Variants in GPD2 observed in about 807,000 individuals in gnomAD.
GPD2 encodes glycerol-3-phosphate dehydrogenase 2.
GPD2 carries 54 observed loss-of-function variants against 82.4 expected under a neutral mutation model. The observed-to-expected ratio is 0.66, with a 90% CI of 0.53 to 0.82. The LOEUF (loss-of-function observed/expected upper bound fraction) is 0.82, where lower values mean the gene tolerates loss of function less well. Ranked by LOEUF, GPD2 falls within the 40% of genes least tolerant of loss-of-function variation. GPD2 has a pLI of 0.00. For missense variants in GPD2, 748 were observed against 896.2 expected, an observed-to-expected ratio of 0.83 and a Z score of 2.11; for synonymous variants, 288 against 306.1, an observed-to-expected ratio of 0.94 and a Z score of 0.62.
chr2:156,506,291 G>C (rs1684784051), intron 3 of GPD2, among the ~76,000 whole-genome samples: 1 of 152,144 alleles, frequency 6.6e-6, no homozygotes, highest in African/African-American at 2.4e-5. Context: ...TCTGGAAGGA[G>C]CAGTATCGTT....
the GPD2 span, among the ~76,000 whole-genome samples, chr2:156,423,901 C>CT: frequency 6.6e-6 from 1 of 152,194 alleles, no homozygotes; most frequent in Non-Finnish European, 1.5e-5. Flanking sequence ...AAACAAAGCG[C>CT]TTTCCTATCT....
In GPD2 at chr2:156,559,553, A is replaced by G. The variant is rs373887672; in HGVS notation, c.1165+1971A>G. Among the ~76,000 whole-genome samples the G allele has an allele frequency of 2.1e-4, 32 of 152,248 alleles. No individual in the cohort carries two copies. In the East Asian group the frequency reaches 2.7e-3, roughly 13 times the overall value. On this transcript the variant is annotated intron_variant, in intron 9 of 16. Transcript: ENST00000438166. ...GATTTTTTTTTGGTTATGTGATCAC[A>G]TTTGTAAACAAAATGCTTCAAAACT...
At chr2:156,464,153 G>A (rs1217631170) in intron 1 of GPD2, among the ~76,000 whole-genome samples, 1 of 152,080 alleles carries the variant, frequency 6.6e-6, no homozygotes, top group African/African-American at 2.4e-5. Flanking sequence ...TTTTTTTGGA[G>A]TGGGGATGGA....
chr2:156,527,038 T>TA (rs1325161689), intron 6 of GPD2, among the ~76,000 whole-genome samples: 1 of 152,168 alleles, frequency 6.6e-6, no homozygotes, highest in East Asian at 1.9e-4. Context: ...TTTGCCCAGA[T>TA]ACCTGTTTGG....
chr2:156,537,736 C>T (rs1357500725), intron 6 of GPD2, among the ~76,000 whole-genome samples: 4 of 152,086 alleles, frequency 2.6e-5, no homozygotes, highest in South Asian at 2.1e-4. Context: ...AGCTGTATTA[C>T]GGTACTATTT....
upstream of GPD2, among the ~76,000 whole-genome samples, chr2:156,431,162 C>T (rs1255263779): frequency 1.3e-5 from 2 of 152,134 alleles, no homozygotes; most frequent in African/African-American, 4.8e-5. Context: ...TAGGTGGCAC[C>T]AAAGTTATTT....
intron 8 of GPD2, among the ~76,000 whole-genome samples, chr2:156,556,274 A>C (rs898715716): frequency 6.6e-6 from 1 of 152,204 alleles, no homozygotes; most frequent in Non-Finnish European, 1.5e-5. Flanking sequence ...TAACATTAAT[A>C]GAAGCTAAAA....
chr2:156,500,642 A>G (rs141214662), intron 3 of GPD2, among the ~76,000 whole-genome samples: 2,248 of 152,310 alleles, frequency 0.015, 26 homozygotes, highest in Admixed American at 0.021. Flanking sequence ...GGGAACCACT[A>G]GATGTTAAAG....
At chr2:156,562,557 T>C (rs1337178818) in intron 9 of GPD2, among the ~76,000 whole-genome samples, 1 of 139,206 alleles carries the variant, frequency 7.2e-6, no homozygotes, top group Non-Finnish European at 1.6e-5. Flanking sequence ...TTGATTGTTT[T>C]TTGAAAGTGG....
At chr2:156,445,406 T>C (rs1220102242) in intron 1 of GPD2, among the ~76,000 whole-genome samples, 2 of 152,248 alleles carry the variant, frequency 1.3e-5, no homozygotes, top group African/African-American at 4.8e-5. Flanking sequence ...TGCCCAACCA[T>C]TGAACTGTGC....
At chr2:156,537,954 A>T (rs374428696) in intron 6 of GPD2, among the ~76,000 whole-genome samples, 1 of 152,234 alleles carries the variant, frequency 6.6e-6, no homozygotes, top group Admixed American at 6.5e-5. Context: ...AAATGTTTAC[A>T]TGTTTTATAT....
At chr2:156,534,915 G>T (rs190851964) in intron 6 of GPD2, among the ~76,000 whole-genome samples, 19 of 152,176 alleles carry the variant, frequency 1.2e-4, no homozygotes, top group Admixed American at 5.9e-4. Flanking sequence ...GGGTATGTGT[G>T]TGAGAGAATC....
the GPD2 span, among the ~76,000 whole-genome samples, chr2:156,404,657 G>A: frequency 1.5e-5 from 2 of 136,558 alleles, no homozygotes; most frequent in Non-Finnish European, 3.1e-5. Context: ...CCTGGCCAAT[G>A]TGTGAAACCC....
chr2:156,409,615 A>G, the GPD2 span, among the ~76,000 whole-genome samples: 1 of 152,130 alleles, frequency 6.6e-6, no homozygotes, highest in East Asian at 1.9e-4. Context: ...TGGGAGGATC[A>G]CTTGAGCCTG....
At chr2:156,433,210 GCCCAT>G (rs1371856938), upstream of GPD2, among the ~76,000 whole-genome samples, 1 of 152,152 alleles carries the variant, frequency 6.6e-6, no homozygotes, top group Non-Finnish European at 1.5e-5. Context: ...GGTGGTAACA[GCCCAT>G]TCCCAAAGCA....
the GPD2 span, among the ~76,000 whole-genome samples, chr2:156,410,202 T>C: frequency 6.6e-6 from 1 of 152,228 alleles, no homozygotes; most frequent in South Asian, 2.1e-4. Context: ...GTCTCACACA[T>C]GCGGGTGAAT....
At chr2:156,439,513 G>GACAAAAAAAAA (rs1682066868) in intron 1 of GPD2, among the ~76,000 whole-genome samples, 1 of 31,622 alleles carries the variant, frequency 3.2e-5, no homozygotes. Context: ...GACTGTCTCA[G>GACAAAAAAAAA]AAAAAAAAAA....
chr2:156,409,210 G>A, the GPD2 span, among the ~76,000 whole-genome samples: 1 of 152,178 alleles, frequency 6.6e-6, no homozygotes, highest in African/African-American at 2.4e-5. Flanking sequence ...CACACAATTG[G>A]TGATACTTGT....
rs561169854 is a variant in GPD2 at position 156,579,432 on chromosome 2, G to A, written c.1960-258G>A. ...TAACCTCCTCCTCCTGGGTTCAAGC[G>A]GTTCTCCTGCCTCAGCCTCCAGAGT... On this transcript the variant is annotated intron_variant, in intron 15 of 16. Coordinates refer to ENST00000438166, the MANE Select transcript of GPD2 (RefSeq NM_000408.5). 2.7e-5 allele frequency among the ~76,000 whole-genome samples: 4 copies of A among 150,776 alleles called. No homozygotes were observed. In the East Asian group the frequency reaches 5.9e-4, roughly 22 times the overall value.
Sources: gnomAD v4.1 joint callset for allele counts (sites outside exome capture counted in the v4.1 genomes callset) on GRCh38, gnomAD v4.1.1 for gene constraint, MANE v1.5 for transcripts, NCBI Gene and HGNC (gene_info 2026-07-23, HGNC 2026-07-21) for gene names.